Variants in PLCB4 observed in about 807,000 individuals in gnomAD.
PLCB4 encodes phospholipase C beta 4, also known as 1-phosphatidylinositol 4,5-bisphosphate phosphodiesterase beta-4.
PLCB4 carries 77 observed loss-of-function variants against 178.8 expected under a neutral mutation model. The observed-to-expected ratio is 0.43, with a 90% CI of 0.36 to 0.52. PLCB4 has a LOEUF of 0.52. PLCB4 is among the 20% of genes least tolerant of loss of function. PLCB4 has a pLI of 0.00. For missense variants in PLCB4, 1,024 were observed against 1,453.4 expected (o/e 0.70, Z 4.80); for synonymous variants, 496 against 490.8 (o/e 1.01, Z -0.14).
At chr20:9,300,450 T>C (rs1161943970) in intron 3 of PLCB4, among the ~76,000 whole-genome samples, 1 of 152,198 alleles carries the variant, frequency 6.6e-6, no homozygotes, top group Non-Finnish European at 1.5e-5. Context: ...TAGAAGCAAA[T>C]GCTTTTTCAG....
chr20:9,216,374 T>C (rs62194770), intron 2 of PLCB4, among the ~76,000 whole-genome samples: 5 of 151,084 alleles, frequency 3.3e-5, no homozygotes, highest in East Asian at 3.9e-4. Context: ...CCTGCCACCA[T>C]GCCCGGCTAA....
rs77776955 is a variant in PLCB4, at chr20:9,479,354, C to T, written c.*345C>T. On this transcript the variant is annotated 3_prime_UTR_variant, in exon 40 of 40. Coordinates refer to ENST00000378473, the MANE Select transcript of PLCB4 (RefSeq NM_001377142.1). ...GATGCCTTAGGACATGTTTGAACTGCAGCAAAAAACAAAAACAAAAAACAG... is the reference window on the plus strand; with the variant it reads ...GATGCCTTAGGACATGTTTGAACTGTAGCAAAAAACAAAAACAAAAAACAG... 0.067 allele frequency: 13,448 copies of T among 200,102 alleles called. 567 individuals are homozygous for T. The highest frequency in any genetic ancestry group is 0.093 in the Non-Finnish European group (9,123 of 97,874). The allele number at this position is 200,102 out of a possible 1,614,324, so 12.4% of individuals were successfully genotyped here.
chr20:9,133,193 T>C (rs2146825143), intron 2 of PLCB4, among the ~76,000 whole-genome samples: 1 of 152,314 alleles, frequency 6.6e-6, no homozygotes, highest in Middle Eastern at 3.4e-3. Flanking sequence ...GCTTATGTTG[T>C]TCTCATAGTC....
chr20:9,413,942 G>A (rs778202536), intron 25 of PLCB4, among the ~76,000 whole-genome samples: 35 of 152,104 alleles, frequency 2.3e-4, no homozygotes, highest in Admixed American at 7.9e-4. Context: ...TGTACAGATG[G>A]GGTTTCACCA....
intron 13 of PLCB4, among the ~76,000 whole-genome samples, chr20:9,382,217 C>T (rs1380829089): frequency 1.3e-5 from 2 of 152,176 alleles, no homozygotes; most frequent in Non-Finnish European, 2.9e-5. Context: ...GATCCAGCCT[C>T]AAAAGAAATC....
At chr20:9,079,302 G>A (rs750684979) in intron 1 of PLCB4, among the ~76,000 whole-genome samples, 20 of 152,176 alleles carry the variant, frequency 1.3e-4, no homozygotes, top group Admixed American at 1.2e-3. Context: ...TTTGCAAGGT[G>A]TGGGCAGGTG....
At chr20:9,268,108 T>C (rs1303866671) in intron 3 of PLCB4, among the ~76,000 whole-genome samples, 2 of 152,202 alleles carry the variant, frequency 1.3e-5, no homozygotes, top group Non-Finnish European at 2.9e-5. Context: ...CAGTTTCAGG[T>C]ATTCTATTAT....
In PLCB4 at chr20:9,180,772, G is replaced by T. The variant is rs1285851813; in HGVS notation, c.-78-36618G>T. Among the ~76,000 whole-genome samples, 3 of 152,066 alleles carry T rather than the reference G, an allele frequency of 2.0e-5. 1 individual carries two copies. Among genetic ancestry groups the T allele is most frequent in the South Asian group, 4.1e-4 (2 of 4,826 alleles). The stretch of plus-strand genomic sequence containing the variant: ...TCAGGTGCAAATTTTGCAAGAAAAA[G>T]CTCCTCAGATTTCCCAAGAATCATC... On this transcript the variant is annotated intron_variant, in intron 2 of 39. Coordinates refer to ENST00000378473, the MANE Select transcript of PLCB4 (RefSeq NM_001377142.1).
chr20:9,181,138 C>CA (rs1241919567), intron 2 of PLCB4, among the ~76,000 whole-genome samples: 2 of 152,186 alleles, frequency 1.3e-5, no homozygotes, highest in Admixed American at 6.5e-5. Flanking sequence ...AGAGGGTCAT[C>CA]AAAAGTCTTT....
intron 1 of PLCB4, among the ~76,000 whole-genome samples, chr20:9,093,968 G>A (rs2146587801): frequency 6.6e-6 from 1 of 152,152 alleles, no homozygotes; most frequent in South Asian, 2.1e-4. Context: ...ACAGATCACT[G>A]AGCTAGGATA....
chr20:9,395,718 C>T (rs1195972648), intron 19 of PLCB4, 100 bp downstream of exon 19: 13 of 779,330 alleles, frequency 1.7e-5, no homozygotes, highest in Non-Finnish European at 2.5e-5. Context: ...AATCCCAGCA[C>T]TTGGGGAGGC....
chr20:9,408,531 A>G, intron 22 of PLCB4, 102 bp from the exon 23 acceptor site: 1 of 622,546 alleles, frequency 1.6e-6, no homozygotes, highest in Non-Finnish European at 3.0e-6. Context: ...ATTAGCCTCC[A>G]AGGCCTCATG....
chr20:9,381,712 T>A (rs1459435799), intron 13 of PLCB4, among the ~76,000 whole-genome samples: 1 of 152,226 alleles, frequency 6.6e-6, no homozygotes, highest in African/African-American at 2.4e-5. Flanking sequence ...TACAAAGCCA[T>A]TCTTATAAAC....
At chr20:9,109,465 A>G (rs1167317377) in intron 2 of PLCB4, among the ~76,000 whole-genome samples, 3 of 151,282 alleles carry the variant, frequency 2.0e-5, no homozygotes, top group Non-Finnish European at 4.4e-5. Flanking sequence ...AAATAAAATG[A>G]TTGCTTTTTT....
At chr20:9,398,119 A>C (rs2038745420) in intron 19 of PLCB4, among the ~76,000 whole-genome samples, 1 of 152,216 alleles carries the variant, frequency 6.6e-6, no homozygotes, top group Admixed American at 6.5e-5. Flanking sequence ...GGAACATCTA[A>C]GAGCCAGTGT....
At chr20:9,256,761 C>A (rs1318780974) in intron 3 of PLCB4, among the ~76,000 whole-genome samples, 1 of 152,208 alleles carries the variant, frequency 6.6e-6, no homozygotes, top group African/African-American at 2.4e-5. Flanking sequence ...ACATTATTCA[C>A]ATTTTTATGT....
chr20:9,212,807 G>A (rs2093686678), intron 2 of PLCB4, among the ~76,000 whole-genome samples: 1 of 152,098 alleles, frequency 6.6e-6, no homozygotes, highest in Admixed American at 6.5e-5. Context: ...AAGCTGACTG[G>A]CAAACTCACT....
chr20:9,327,758 A>G (rs1056728417), intron 4 of PLCB4, among the ~76,000 whole-genome samples: 108 of 152,274 alleles, frequency 7.1e-4, no homozygotes, highest in African/African-American at 2.4e-3. Flanking sequence ...CCTGGGTGAC[A>G]GAGCGAGACT....
At chr20:9,370,342 C>A (rs2036142472) in intron 9 of PLCB4, among the ~76,000 whole-genome samples, 2 of 152,154 alleles carry the variant, frequency 1.3e-5, no homozygotes, top group South Asian at 4.1e-4. Context: ...CTTGAGGCAG[C>A]TGACATTTCA....
Sources: gnomAD v4.1 joint callset for allele counts (sites outside exome capture counted in the v4.1 genomes callset) on GRCh38, gnomAD v4.1.1 for gene constraint, MANE v1.5 for transcripts, NCBI Gene and HGNC (gene_info 2026-07-23, HGNC 2026-07-21) for gene names.